Variants in ADGRV1 observed in about 807,000 individuals in gnomAD.
ADGRV1 encodes the protein G-protein coupled receptor 98.
ADGRV1 carries 359 observed loss-of-function variants against 596.2 expected under a neutral mutation model. The observed-to-expected ratio is 0.60, with a 90% CI of 0.55 to 0.66. ADGRV1 has a LOEUF of 0.66. Ranked by LOEUF, ADGRV1 falls within the 30% of genes least tolerant of loss-of-function variation. The pLI is 0.00. For missense variants in ADGRV1, 7,274 were observed against 7,575.6 expected, an observed-to-expected ratio of 0.96 and a Z score of 1.48; for synonymous variants, 2,681 against 2,679.2, an observed-to-expected ratio of 1.00 and a Z score of -0.02.
At chr5:91,107,579 G>A (rs551297279) in intron 87 of ADGRV1, among the ~76,000 whole-genome samples, 21 of 152,250 alleles carry the variant, frequency 1.4e-4, no homozygotes, top group Non-Finnish European at 3.1e-4. Flanking sequence ...AAAGGCAAGA[G>A]GCAAGGTCAT....
intron 29 of ADGRV1, among the ~76,000 whole-genome samples, chr5:90,686,631 T>C (rs918103303): frequency 2.1e-4 from 32 of 152,178 alleles, no homozygotes; most frequent in Non-Finnish European, 4.4e-4. Context: ...ACATTTGGGT[T>C]GGTTCCAAGC....
intron 87 of ADGRV1, among the ~76,000 whole-genome samples, chr5:91,122,062 C>T (rs893419742): frequency 6.6e-5 from 10 of 151,928 alleles, no homozygotes; most frequent in Non-Finnish European, 1.3e-4. Context: ...GTTTTGGTGG[C>T]TCTGAAACAA....
Position 90,810,740 on chromosome 5 carries a change from CCTCAG to C in ADGRV1, c.15482_15486del (p.Leu5161HisfsTer19). 1 of 1,613,902 alleles carries C rather than the reference CCTCAG, an allele frequency of 6.2e-7. No individual in the cohort carries two copies. Among genetic ancestry groups the C allele is most frequent in the Non-Finnish European group, 8.5e-7 (1 of 1,179,880 alleles). ...CTGTAGAAACTGAATCCACCACATA[CCTCAG>C]CACAAGCAAGACGACTACCATTCTG... On this transcript the variant is annotated frameshift_variant, in exon 74 of 90. Transcript: ENST00000405460. LOFTEE classifies it high-confidence loss of function.
chr5:90,786,818 TG>T (rs1319278292), intron 67 of ADGRV1, among the ~76,000 whole-genome samples: 2 of 152,194 alleles, frequency 1.3e-5, no homozygotes, highest in Admixed American at 6.5e-5. Flanking sequence ...AGTTCTGTTT[TG>T]GGCGTGTTCT....
Position 90,629,439 on chromosome 5 carries a change from G to T in ADGRV1, c.1739G>T (p.Arg580Ile). The T allele has an allele frequency of 6.2e-7, 1 of 1,613,474 alleles. No homozygotes were observed. Among genetic ancestry groups the T allele is most frequent in the Non-Finnish European group, 8.5e-7 (1 of 1,179,622 alleles). The change falls in exon 9 of 90, where the codon AGA (arginine) becomes ATA (isoleucine). Residue 580 changes from arginine to isoleucine, a missense_variant. Physicochemically the swap from Arg to Ile is moderately conservative, Grantham distance 97. Around this residue, in one of 5 missense-constraint regions of ADGRV1, gnomAD observed 1,715 missense variants for 1,708.8 expected, o/e 1.00. Transcript: ENST00000405460. ...AKEGILNISR[R>I]NDLIFPEQKT... The stretch of plus-strand genomic sequence containing the variant: ...GAAGGCATCTTAAATATATCAAGGA[G>T]AAATGACCTCATTTTTCCAGAGCAA...
intron 85 of ADGRV1, among the ~76,000 whole-genome samples, chr5:91,056,334 C>T (rs1007775180): frequency 1.3e-5 from 2 of 152,090 alleles, no homozygotes; most frequent in African/African-American, 4.8e-5. Flanking sequence ...GTGACCATGA[C>T]CTTTTTTTTG....
chr5:90,837,833 A>T lies in ADGRV1; in HGVS notation c.16612-2745A>T, dbSNP rs1368935521. ...TGTTTCAGAAATTTAACTTTATCTGAATTTTAGTATAAAACTTTCCATTAT... is the reference window on the plus strand; with the variant it reads ...TGTTTCAGAAATTTAACTTTATCTGTATTTTAGTATAAAACTTTCCATTAT... On this transcript the variant is annotated intron_variant, in intron 77 of 89. Coordinates refer to ENST00000405460, the MANE Select transcript of ADGRV1 (RefSeq NM_032119.4). Among the ~76,000 whole-genome samples, 6 of 152,190 alleles carry T rather than the reference A, an allele frequency of 3.9e-5. No individual in the cohort carries two copies. In the South Asian group the frequency reaches 1.0e-3, roughly 26 times the overall value.
intron 87 of ADGRV1, among the ~76,000 whole-genome samples, chr5:91,132,778 A>T (rs989698132): frequency 5.3e-5 from 8 of 152,196 alleles, no homozygotes; most frequent in Non-Finnish European, 8.8e-5. Context: ...CACCTGCAAG[A>T]TAAATATTCA....
At chr5:90,689,495 C>A (rs995428839) in intron 29 of ADGRV1, among the ~76,000 whole-genome samples, 1 of 152,068 alleles carries the variant, frequency 6.6e-6, no homozygotes, top group African/African-American at 2.4e-5. Flanking sequence ...AGTGGCATTA[C>A]AATTCTATTT....
chr5:90,970,743 C>T (rs1430074858), intron 84 of ADGRV1, among the ~76,000 whole-genome samples: 1 of 152,048 alleles, frequency 6.6e-6, no homozygotes, highest in Non-Finnish European at 1.5e-5. Context: ...GATAAAACCA[C>T]AAAGATGGGG....
chr5:91,033,697 A>G (rs116482203), intron 85 of ADGRV1, among the ~76,000 whole-genome samples: 1,528 of 152,224 alleles, frequency 0.01, 19 homozygotes, highest in Non-Finnish European at 0.015. Context: ...CCTATTACCC[A>G]GTGTGACATT....
At chr5:90,841,447 GA>G (rs1765419537) in intron 78 of ADGRV1, among the ~76,000 whole-genome samples, 1 of 152,108 alleles carries the variant, frequency 6.6e-6, no homozygotes, top group Non-Finnish European at 1.5e-5. Context: ...CACGGGCACT[GA>G]AAACTTTCAC....
At chr5:90,636,713 A>T (rs1240542964) in intron 10 of ADGRV1, among the ~76,000 whole-genome samples, 1 of 152,156 alleles carries the variant, frequency 6.6e-6, no homozygotes, top group African/African-American at 2.4e-5. Context: ...GCCCTCTGTT[A>T]TAAGAATCTT....
chr5:91,044,886 C>G lies in ADGRV1; in HGVS notation c.18153-27561C>G, dbSNP rs16869381. ...TGTTTAGAGCAACAAGACAAAAAAC[C>G]TGTAAGAAATCAGTACATATCAGTA... On this transcript the variant is annotated intron_variant, in intron 85 of 89. Coordinates refer to ENST00000405460, the MANE Select transcript of ADGRV1 (RefSeq NM_032119.4). Among the ~76,000 whole-genome samples the G allele has an allele frequency of 9.2e-3, 1,403 of 152,012 alleles. 23 individuals carry two copies. The highest frequency in any genetic ancestry group is 0.032 in the African/African-American group (1,327 of 41,450).
intron 84 of ADGRV1, 114 bp from the exon 85 acceptor site, chr5:90,985,230 T>C: frequency 1.8e-6 from 1 of 571,036 alleles, no homozygotes; most frequent in Non-Finnish European, 2.9e-6. Flanking sequence ...TCAAAACTAA[T>C]TATTAAGTAG....
chr5:90,960,496 G>T (rs1295680217), intron 83 of ADGRV1, among the ~76,000 whole-genome samples: 2 of 152,132 alleles, frequency 1.3e-5, no homozygotes, highest in Non-Finnish European at 2.9e-5. Context: ...TTAAGAACTT[G>T]ACAGTTTTCG....
At chr5:90,612,076 T>C (rs1762791724) in intron 1 of ADGRV1, among the ~76,000 whole-genome samples, 1 of 152,058 alleles carries the variant, frequency 6.6e-6, no homozygotes, top group African/African-American at 2.4e-5. Context: ...TGTGTGCTCA[T>C]TTTGCATAAT....
intron 34 of ADGRV1, 102 bp from the exon 35 acceptor site, chr5:90,703,563 G>T (rs1160732644): frequency 6.8e-6 from 5 of 740,438 alleles, no homozygotes; most frequent in Non-Finnish European, 1.1e-5. Context: ...TCTTGGGAAA[G>T]GTGCTGTAAT....
chr5:90,594,403 T>C (rs1759953152), intron 1 of ADGRV1, among the ~76,000 whole-genome samples: 1 of 152,112 alleles, frequency 6.6e-6, no homozygotes. Flanking sequence ...TAATTGTAAG[T>C]TTCCTGAGGC....
Sources: allele counts gnomAD v4.1 joint callset (sites outside exome capture counted in the v4.1 genomes callset), GRCh38; gene constraint gnomAD v4.1.1; regional missense constraint gnomAD v4.1.1; transcripts MANE v1.5; gene names NCBI Gene and HGNC (gene_info 2026-07-23, HGNC 2026-07-21).